TP63: variants seen among roughly 807,000 people sequenced by gnomAD.
TP63 encodes tumor protein p63.
Under a neutral mutation model 82.8 loss-of-function variants are expected in TP63, and 17 were observed. That is an observed-to-expected ratio of 0.21 (90% CI 0.14 to 0.31). The LOEUF (loss-of-function observed/expected upper bound fraction) is 0.31. Among genes scored for constraint, TP63 ranks in the 10% least tolerant of loss-of-function variants. The probability of loss-of-function intolerance (pLI) is 1.00; values close to 1 mark genes in which losing one functional copy is unlikely to be tolerated. For missense variants in TP63, 648 were observed against 895.3 expected (o/e 0.72, Z 3.52); for synonymous variants, 330 against 321.7 (o/e 1.03, Z -0.28).
chr3:189,727,614 A>G (rs1310126114), intron 1 of TP63, among the ~76,000 whole-genome samples: 1 of 152,048 alleles, frequency 6.6e-6, no homozygotes, highest in Non-Finnish European at 1.5e-5. Flanking sequence ...TCAATTTATC[A>G]CATTCTTTAA....
chr3:189,835,432 G>A (rs1379447544), intron 4 of TP63, among the ~76,000 whole-genome samples: 3 of 152,060 alleles, frequency 2.0e-5, no homozygotes, highest in African/African-American at 4.8e-5. Context: ...AAATGAATCT[G>A]GTGCCCAGTA....
At position 189,744,042 on chromosome 3, in the gene TP63, C is replaced by A. The variant is rs971567467; in HGVS notation, c.324+5268C>A. Reference sequence around the variant, plus strand: ...GCAGCATGACACCATTTCAAAAACCCAGCCTCCACCAGACTGCATCCTACC... The same window carrying A: ...GCAGCATGACACCATTTCAAAAACCAAGCCTCCACCAGACTGCATCCTACC... On this transcript the variant is annotated intron_variant, in intron 3 of 13. Coordinates refer to ENST00000264731, the MANE Select transcript of TP63 (RefSeq NM_003722.5). Among the ~76,000 whole-genome samples the A allele has an allele frequency of 5.9e-5, 9 of 152,270 alleles. No individual in the cohort carries two copies. In the East Asian group the frequency reaches 1.7e-3, roughly 29 times the overall value.
chr3:189,875,349 C>T (rs926660159), intron 10 of TP63, among the ~76,000 whole-genome samples: 3 of 151,596 alleles, frequency 2.0e-5, no homozygotes, highest in Admixed American at 6.6e-5. Context: ...GGGTGGATCA[C>T]GAGGTCAGGA....
chr3:189,784,159 A>G (rs1014813028), intron 3 of TP63, among the ~76,000 whole-genome samples: 1 of 151,972 alleles, frequency 6.6e-6, no homozygotes, highest in African/African-American at 2.4e-5. Flanking sequence ...AAATTTTTAA[A>G]TCCATAATAC....
the TP63 span, among the ~76,000 whole-genome samples, chr3:189,618,537 G>A: frequency 6.6e-6 from 1 of 152,114 alleles, no homozygotes; most frequent in East Asian, 1.9e-4. Flanking sequence ...CCTAGCATGT[G>A]GTAGGTAAGT....
chr3:189,658,692 A>G (rs1435933731), intron 1 of TP63, among the ~76,000 whole-genome samples: 1 of 152,110 alleles, frequency 6.6e-6, no homozygotes, highest in Non-Finnish European at 1.5e-5. Context: ...AAATGTCATC[A>G]AAACATGGAA....
At chr3:189,669,665 G>A (rs953078987) in intron 1 of TP63, among the ~76,000 whole-genome samples, 5 of 152,026 alleles carry the variant, frequency 3.3e-5, no homozygotes, top group Non-Finnish European at 7.4e-5. Flanking sequence ...TTTGGAAAAT[G>A]GGCTCTGAGG....
intron 1 of TP63, among the ~76,000 whole-genome samples, chr3:189,728,227 C>T (rs1329081575): frequency 6.6e-6 from 1 of 151,268 alleles, no homozygotes; most frequent in Non-Finnish European, 1.5e-5. Flanking sequence ...TCTAGTTTTT[C>T]CCTTCTACGG....
intron 4 of TP63, among the ~76,000 whole-genome samples, chr3:189,854,979 G>A (rs1716109115): frequency 6.6e-6 from 1 of 152,314 alleles, no homozygotes; most frequent in East Asian, 1.9e-4. Context: ...CATTTGAAAT[G>A]CAGCAGAAGA....
chr3:189,841,826 G>A (rs1714161943), intron 4 of TP63, among the ~76,000 whole-genome samples: 3 of 152,172 alleles, frequency 2.0e-5, no homozygotes, highest in Non-Finnish European at 2.9e-5. Context: ...CTAGCGTCCA[G>A]GTGTTGAAGG....
intron 3 of TP63, among the ~76,000 whole-genome samples, chr3:189,758,493 C>G (rs1722349333): frequency 6.6e-6 from 1 of 152,206 alleles, no homozygotes; most frequent in Non-Finnish European, 1.5e-5. Context: ...ATGCAAGACT[C>G]CAGAAGTACA....
intron 3 of TP63, among the ~76,000 whole-genome samples, chr3:189,765,432 G>GTTTTTTTTTTTTTTTTTTTTTTTTTTTTT (rs1560167431): frequency 1.6e-4 from 1 of 6,184 alleles, no homozygotes; most frequent in Non-Finnish European, 3.7e-4. Context: ...CCTGTCCTCT[G>GTTTTTTTTTTTTTTTTTTTTTTTTTTTTT]CTTTTTTTTT....
chr3:189,684,632 C>CTTTT (rs11379017), intron 1 of TP63, among the ~76,000 whole-genome samples: 7 of 134,692 alleles, frequency 5.2e-5, no homozygotes, highest in Admixed American at 7.5e-5. Context: ...TTCTTTCTTT[C>CTTTT]TTTTTTTTTT....
chr3:189,824,552 T>C (rs1729137291), intron 4 of TP63, among the ~76,000 whole-genome samples: 1 of 152,146 alleles, frequency 6.6e-6, no homozygotes, highest in African/African-American at 2.4e-5. Context: ...CCAATTAGGC[T>C]GTGCCGGGGC....
chr3:189,645,479 A>T, intron 1 of TP63: 1 of 230,674 alleles, frequency 4.3e-6, no homozygotes. Context: ...ATTTTTTTTT[A>T]TTTTTTATTG....
At chr3:189,823,432 G>A (rs753884178) in intron 4 of TP63, among the ~76,000 whole-genome samples, 1 of 152,150 alleles carries the variant, frequency 6.6e-6, no homozygotes, top group Non-Finnish European at 1.5e-5. Context: ...CAGTAAAGGA[G>A]AGCAGTTTGG....
At chr3:189,731,319 G>A (rs560824007) in intron 1 of TP63, among the ~76,000 whole-genome samples, 20 of 151,408 alleles carry the variant, frequency 1.3e-4, no homozygotes, top group Non-Finnish European at 2.5e-4. Context: ...ACTCCAGGCT[G>A]AGCAAGAGAG....
At chr3:189,715,133 C>G (rs569531666) in intron 1 of TP63, among the ~76,000 whole-genome samples, 5 of 152,160 alleles carry the variant, frequency 3.3e-5, no homozygotes, top group African/African-American at 1.2e-4. Flanking sequence ...CTCCCTTCTC[C>G]TCTCCTCTCT....
At chr3:189,890,937 T>G in intron 13 of TP63, 55 bp downstream of exon 13, 1 of 1,553,872 alleles carries the variant, frequency 6.4e-7, no homozygotes, top group Non-Finnish European at 8.8e-7. Flanking sequence ...TTTCCTCTGA[T>G]GACAACCGCC....
Sources: gnomAD v4.1 joint callset for allele counts (sites outside exome capture counted in the v4.1 genomes callset) on GRCh38, gnomAD v4.1.1 for gene constraint, MANE v1.5 for transcripts, NCBI Gene and HGNC (gene_info 2026-07-23, HGNC 2026-07-21) for gene names.